VPS13B: variants seen among roughly 807,000 people sequenced by gnomAD.
The protein encoded by VPS13B is intermembrane lipid transfer protein VPS13B.
A neutral mutation model predicts 426.4 loss-of-function variants in VPS13B; 285 were observed. That is an observed-to-expected ratio of 0.67 (90% CI 0.61 to 0.74). The LOEUF (loss-of-function observed/expected upper bound fraction) is 0.74. Ranked by LOEUF, VPS13B falls within the 30% of genes least tolerant of loss-of-function variation. The pLI, the probability that VPS13B is intolerant of heterozygous loss-of-function variation, is 0.00. For synonymous variants in VPS13B, 1,676 were observed against 1,676.4 expected, an observed-to-expected ratio of 1.00 and a Z score of 0.01; for missense variants, 4,537 against 4,782.6, an observed-to-expected ratio of 0.95 and a Z score of 1.51.
chr8:99,384,393 T>G, intron 20 of VPS13B, 76 bp downstream of exon 20: 1 of 1,183,580 alleles, frequency 8.4e-7, no homozygotes, highest in Non-Finnish European at 1.2e-6. Context: ...ATATGTCTTT[T>G]GATGGATTCT....
intron 30 of VPS13B, among the ~76,000 whole-genome samples, chr8:99,530,078 G>A (rs924189176): frequency 2.6e-5 from 4 of 152,132 alleles, no homozygotes; most frequent in East Asian, 1.9e-4. Context: ...TTTTTGTTAC[G>A]AAGAACTTTA....
At chr8:99,354,265 C>G (rs1228165166) in intron 19 of VPS13B, among the ~76,000 whole-genome samples, 1 of 53,986 alleles carries the variant, frequency 1.9e-5, no homozygotes, top group Non-Finnish European at 3.8e-5. Flanking sequence ...CCTCCCCCTG[C>G]CTTTTTTTTT....
At chr8:99,243,327 T>G (rs1817033347) in intron 17 of VPS13B, among the ~76,000 whole-genome samples, 1 of 152,196 alleles carries the variant, frequency 6.6e-6, no homozygotes, top group Non-Finnish European at 1.5e-5. Flanking sequence ...GCTAGTTTCC[T>G]GGAGCTTTAG....
intron 2 of VPS13B, among the ~76,000 whole-genome samples, chr8:99,029,136 G>T (rs1460175265): frequency 1.4e-5 from 2 of 147,950 alleles, no homozygotes; most frequent in African/African-American, 5.0e-5. Context: ...TCACATCCCA[G>T]ACAGGGCGGC....
intron 21 of VPS13B, among the ~76,000 whole-genome samples, chr8:99,427,094 G>A (rs1288599594): frequency 6.8e-5 from 3 of 44,266 alleles, no homozygotes; most frequent in Non-Finnish European, 1.3e-4. Context: ...TTTTGTATAA[G>A]GTGTAAGGAA....
intron 3 of VPS13B, among the ~76,000 whole-genome samples, chr8:99,071,028 T>C (rs1844825979): frequency 6.6e-6 from 1 of 152,146 alleles, no homozygotes; most frequent in Admixed American, 6.5e-5. Context: ...AGCTTAAAAA[T>C]AAGTATTTTA....
chr8:99,686,023 G>A (rs1319220325), intron 35 of VPS13B, among the ~76,000 whole-genome samples: 1 of 152,098 alleles, frequency 6.6e-6, no homozygotes. Context: ...AAGAGACTTG[G>A]GTGTTGTGAT....
chr8:99,362,905 T>G (rs1477163863), intron 19 of VPS13B, among the ~76,000 whole-genome samples: 1 of 152,254 alleles, frequency 6.6e-6, no homozygotes, highest in African/African-American at 2.4e-5. Flanking sequence ...ACATGTCTAC[T>G]CTGGTTATTA....
intron 19 of VPS13B, among the ~76,000 whole-genome samples, chr8:99,303,994 G>T (rs1820511353): frequency 6.6e-6 from 1 of 152,010 alleles, no homozygotes; most frequent in Non-Finnish European, 1.5e-5. Context: ...TATCATTTAT[G>T]ACAGATTTTA....
chr8:99,807,139 A>G (rs1449894081), intron 43 of VPS13B, among the ~76,000 whole-genome samples: 1 of 152,226 alleles, frequency 6.6e-6, no homozygotes, highest in East Asian at 1.9e-4. Context: ...TGTGTGAACT[A>G]AATCCAAACA....
intron 3 of VPS13B, among the ~76,000 whole-genome samples, chr8:99,088,924 G>A (rs911241996): frequency 6.6e-6 from 1 of 152,086 alleles, no homozygotes; most frequent in Non-Finnish European, 1.5e-5. Context: ...TGCAGGTACA[G>A]TCTTTTCAAA....
chr8:99,431,644 G>T lies in VPS13B; in HGVS notation c.3190G>T (p.Val1064Leu). The change falls in exon 22 of 62, where the codon GTG (valine) becomes TTG (leucine). Residue 1064 changes from valine to leucine, a missense_variant. Around this residue, in one of 2 missense-constraint regions of VPS13B, gnomAD observed 4,311 missense variants for 4,474.3 expected, o/e 0.96. Transcript: ENST00000357162. The stretch of plus-strand genomic sequence containing the variant: ...ATTTATTGGAATTGTTTGGAATGCA[G>T]TGAAGCATCTCACACTACAGGTAAA... ...KEFIGIVWNA[V>L]KHLTLQLEVQ... The T allele has an allele frequency of 6.2e-7, 1 of 1,613,248 alleles. No homozygotes were observed. The highest frequency in any genetic ancestry group is 1.1e-5 in the South Asian group (1 of 91,044).
intron 2 of VPS13B, among the ~76,000 whole-genome samples, chr8:99,018,949 A>G (rs1196016722): frequency 6.6e-6 from 1 of 151,982 alleles, no homozygotes; most frequent in Non-Finnish European, 1.5e-5. Flanking sequence ...TTTTTTACAT[A>G]TTGTTGGATT....
At chr8:99,507,725 G>A (rs781781052) in intron 28 of VPS13B, 27 of 1,613,314 alleles carry the variant, frequency 1.7e-5, no homozygotes, top group Non-Finnish European at 2.3e-5. Flanking sequence ...GGCTTTTATT[G>A]CTTTTTGTCT....
intron 3 of VPS13B, among the ~76,000 whole-genome samples, chr8:99,050,880 TG>T (rs774971229): frequency 1.3e-5 from 2 of 152,212 alleles, no homozygotes; most frequent in Non-Finnish European, 1.5e-5. Context: ...TTGATGGGGT[TG>T]TTTTTTTCTT....
chr8:99,462,684 A>T (rs1052048942), intron 23 of VPS13B, among the ~76,000 whole-genome samples: 1 of 152,126 alleles, frequency 6.6e-6, no homozygotes, highest in Non-Finnish European at 1.5e-5. Flanking sequence ...CCTCAAATTC[A>T]TATGTTGAGC....
intron 15 of VPS13B, 138 bp from the exon 16 acceptor site, chr8:99,169,901 C>T (rs886209864): frequency 6.0e-6 from 6 of 999,566 alleles, no homozygotes; most frequent in Non-Finnish European, 9.2e-6. Context: ...AAATGTTGAT[C>T]GTTTGGGAAG....
chr8:99,156,874 A>G (rs1047643521), intron 15 of VPS13B, 131 bp downstream of exon 15: 1 of 787,464 alleles, frequency 1.3e-6, no homozygotes, highest in African/African-American at 1.8e-5. Context: ...ATAAGAAATA[A>G]GATGTATTTA....
chr8:99,053,386 C>T (rs553273487), intron 3 of VPS13B, among the ~76,000 whole-genome samples: 76 of 151,988 alleles, frequency 5.0e-4, no homozygotes, highest in East Asian at 3.3e-3. Context: ...TGAGAACATG[C>T]GGTTTTTTTG....
Sources: allele counts gnomAD v4.1 joint callset (sites outside exome capture counted in the v4.1 genomes callset), GRCh38; gene constraint gnomAD v4.1.1; regional missense constraint gnomAD v4.1.1; transcripts MANE v1.5; gene names NCBI Gene and HGNC (gene_info 2026-07-23, HGNC 2026-07-21).